NID1: variants seen among roughly 807,000 people sequenced by gnomAD.
NID1 encodes the protein nidogen-1.
NID1 carries 76 observed loss-of-function variants against 130.6 expected under a neutral mutation model. The observed-to-expected ratio is 0.58, with a 90% CI of 0.48 to 0.70. NID1 has a LOEUF of 0.70. Among genes scored for constraint, NID1 ranks in the 30% least tolerant of loss-of-function variants. The pLI is 0.00. For synonymous variants in NID1, 665 were observed against 675.1 expected, an observed-to-expected ratio of 0.98 and a Z score of 0.23; for missense variants, 1,517 against 1,664.8, an observed-to-expected ratio of 0.91 and a Z score of 1.54.
chr1:235,979,054 T>C lies in NID1; in HGVS notation c.3563A>G (p.Gln1188Arg). 2 of 1,614,088 alleles carry C rather than the reference T, an allele frequency of 1.2e-6. No homozygotes were observed. The highest frequency in any genetic ancestry group is 1.1e-5 in the South Asian group (1 of 91,070). The change falls in exon 19 of 20, where the codon CAA becomes CGA. Residue 1188 changes from glutamine to arginine, a missense_variant. Transcript: ENST00000264187. This position sits in a 1 kb window ranked among gnomAD's most constrained non-coding sequence, Gnocchi z 4.6. ...LAISKETDAF[Q>R]PHKQTRLYGI... The stretch of plus-strand genomic sequence containing the variant: ...ATACAGCCGGGTCTGCTTGTGGGGT[T>C]GGAAAGCATCCGTCTCCTTGGAAAT...
At chr1:236,050,923 C>CA (rs111318588) in intron 1 of NID1, among the ~76,000 whole-genome samples, 43 of 149,104 alleles carry the variant, frequency 2.9e-4, no homozygotes, top group East Asian at 9.8e-4. Context: ...ACTAAAAATA[C>CA]AAAAAAAAAA....
At chr1:236,025,767 TCCTGCCAGA>T in intron 8 of NID1, 120 bp downstream of exon 8, 1 of 1,293,462 alleles carries the variant, frequency 7.7e-7, no homozygotes, top group Admixed American at 2.3e-5. Flanking sequence ...ATTCTTTTTT[TCCTGCCAGA>T]AGATACTTTA....
At position 236,058,510 on chromosome 1, in the gene NID1, G is replaced by C. The variant is rs144599102; in HGVS notation, c.225+6345C>G. ...TTGTTTCAACCCAACTGACAAGAAG[G>C]GGATGGACAGAGCACCTAACTTATA... is the stretch of plus-strand genomic sequence containing the variant. On this transcript the variant is annotated intron_variant, in intron 1 of 19. Transcript: ENST00000264187. Among the ~76,000 whole-genome samples the C allele has an allele frequency of 4.6e-3, 708 of 152,308 alleles. 6 individuals carry two copies. The highest frequency in any genetic ancestry group is 0.016 in the African/African-American group (658 of 41,556).
chr1:235,978,385 G>A lies in NID1; in HGVS notation c.3623-397C>T, dbSNP rs183705414. Among the ~76,000 whole-genome samples, 37 of 152,338 alleles carry A rather than the reference G, an allele frequency of 2.4e-4. 1 individual carries two copies. In the South Asian group the frequency reaches 3.1e-3, roughly 13 times the overall value. On this transcript the variant is annotated intron_variant, in intron 19 of 19. Coordinates refer to ENST00000264187, the MANE Select transcript of NID1 (RefSeq NM_002508.3). ...TGAGGGAAGCTGAGAAGGAAAGTGGGTGAGGGGAGAGGCCTTCAAGAGGCA... is the reference window on the plus strand; with the variant it reads ...TGAGGGAAGCTGAGAAGGAAAGTGGATGAGGGGAGAGGCCTTCAAGAGGCA...
intron 1 of NID1, among the ~76,000 whole-genome samples, chr1:236,055,679 A>AC (rs1471579445): frequency 6.6e-6 from 1 of 151,952 alleles, no homozygotes; most frequent in Non-Finnish European, 1.5e-5. Flanking sequence ...GAAAAAAAAA[A>AC]CATACAACAA....
rs1362510598 is a variant in NID1 at position 236,026,031 on chromosome 1, C to A, written c.1849G>T (p.Glu617Ter). ...GGCCGGGAGTCATCGTGGACGCATT[C>A]CTGGAAGGTGATGGTCTGGCGCCAC... ...YQWRQTITFQ[E>*]CVHDDSRPAL... Residue 617 changes from glutamate (E) to a stop codon, truncating the protein, a stop_gained, in exon 8 of 20, where the codon GAA becomes TAA. Transcript: ENST00000264187. LOFTEE classifies it high-confidence loss of function. The A allele has an allele frequency of 6.2e-7, 1 of 1,613,164 alleles. No individual in the cohort carries two copies. Among genetic ancestry groups the A allele is most frequent in the Non-Finnish European group, 8.5e-7 (1 of 1,179,894 alleles).
chr1:236,049,818 T>C (rs1179927151), intron 1 of NID1, among the ~76,000 whole-genome samples: 1 of 151,506 alleles, frequency 6.6e-6, no homozygotes, highest in Non-Finnish European at 1.5e-5. Context: ...GGTGGGCAGA[T>C]CGCGAGGTCA....
At chr1:235,998,394 G>C (rs1657987123) in intron 12 of NID1, among the ~76,000 whole-genome samples, 1 of 152,150 alleles carries the variant, frequency 6.6e-6, no homozygotes, top group Non-Finnish European at 1.5e-5. Context: ...AAAATGTCTG[G>C]CTGGGCACGT....
intron 9 of NID1, among the ~76,000 whole-genome samples, chr1:236,022,461 C>T (rs1157188411): frequency 6.6e-6 from 1 of 150,644 alleles, no homozygotes; most frequent in Admixed American, 6.6e-5. Flanking sequence ...GTCTCTCCTA[C>T]TCCCAAGTAG....
At chr1:235,978,365 G>C (rs1193980487) in intron 19 of NID1, among the ~76,000 whole-genome samples, 1 of 152,204 alleles carries the variant, frequency 6.6e-6, no homozygotes, top group Non-Finnish European at 1.5e-5. Flanking sequence ...GAAGATGAGG[G>C]AAGCTGAGAA....
At chr1:236,038,354 C>T (rs1659325366) in intron 4 of NID1, 101 bp from the exon 5 acceptor site, 1 of 1,254,936 alleles carries the variant, frequency 8.0e-7, no homozygotes, top group Non-Finnish European at 1.1e-6. Context: ...GGGACTCACA[C>T]CTGCATGGGC....
intron 7 of NID1, among the ~76,000 whole-genome samples, chr1:236,028,690 A>ATG (rs910634020): frequency 4.9e-5 from 7 of 141,436 alleles, no homozygotes; most frequent in African/African-American, 2.0e-4. Flanking sequence ...CAGTATACAT[A>ATG]TATATATATA....
chr1:235,976,840 T>C lies in NID1; in HGVS notation c.*1027A>G, dbSNP rs951493482. 1.3e-5 allele frequency: 2 copies of C among 152,072 alleles called. No homozygotes were observed. The highest frequency in any genetic ancestry group is 1.3e-4 in the Admixed American group (2 of 15,260). The allele number at this position is 152,072 out of a possible 1,614,324, so 9.4% of individuals were successfully genotyped here. On this transcript the variant is annotated 3_prime_UTR_variant, in exon 20 of 20. Coordinates refer to ENST00000264187, the MANE Select transcript of NID1 (RefSeq NM_002508.3). ...GAGAAACCAAGGAGGGGTGAGGTCATGGTTGAGTGTAAATTGGTTCTGTCA... is the reference window on the plus strand; with the variant it reads ...GAGAAACCAAGGAGGGGTGAGGTCACGGTTGAGTGTAAATTGGTTCTGTCA...
intron 1 of NID1, among the ~76,000 whole-genome samples, chr1:236,064,233 C>G (rs2102856621): frequency 6.6e-6 from 1 of 152,278 alleles, no homozygotes; most frequent in South Asian, 2.1e-4. Flanking sequence ...TTTGGGGCCT[C>G]CGTGGTGACA....
chr1:236,030,311 C>A (rs1659058587), intron 6 of NID1, among the ~76,000 whole-genome samples: 1 of 152,104 alleles, frequency 6.6e-6, no homozygotes, highest in African/African-American at 2.4e-5. Context: ...AGGCGGCAGC[C>A]CCAGACAGGC....
At position 235,975,874 on chromosome 1, in the gene NID1, C is replaced by T. The variant is rs1657235276; in HGVS notation, c.*1993G>A. The T allele has an allele frequency of 6.6e-6, 1 of 152,554 alleles. No individual in the cohort carries two copies. Among genetic ancestry groups the T allele is most frequent in the African/African-American group, 2.4e-5 (1 of 41,416 alleles). 9.5% of individuals were successfully genotyped at this position (152,554 alleles called of 1,614,324 possible). On this transcript the variant is annotated 3_prime_UTR_variant, in exon 20 of 20. Transcript: ENST00000264187. ...TTTATTTTCCACACTATTTGTACAGCTGTAAACTCAAGGAATCATCCAATA... is the reference window on the plus strand; with the variant it reads ...TTTATTTTCCACACTATTTGTACAGTTGTAAACTCAAGGAATCATCCAATA...
intron 1 of NID1, among the ~76,000 whole-genome samples, chr1:236,057,450 C>T (rs2102851827): frequency 1.3e-5 from 2 of 152,028 alleles, no homozygotes; most frequent in Middle Eastern, 3.4e-3. Flanking sequence ...ACCTCCTCAG[C>T]TGGGCGTGGT....
chr1:235,993,511 G>A (rs946000715), intron 13 of NID1, 134 bp downstream of exon 13: 2 of 778,856 alleles, frequency 2.6e-6, no homozygotes, highest in South Asian at 3.8e-5. Flanking sequence ...GGTGCAGCAG[G>A]AGCGGGTGGG....
intron 1 of NID1, among the ~76,000 whole-genome samples, chr1:236,052,745 C>T (rs1659794111): frequency 6.6e-6 from 1 of 152,160 alleles, no homozygotes; most frequent in Non-Finnish European, 1.5e-5. Context: ...ACTGGCATGT[C>T]TAAACTGTCC....
Sources: allele counts gnomAD v4.1 joint callset (sites outside exome capture counted in the v4.1 genomes callset), GRCh38; gene constraint gnomAD v4.1.1; non-coding constraint Gnocchi (gnomAD v3.1); transcripts MANE v1.5; gene names NCBI Gene and HGNC (gene_info 2026-07-23, HGNC 2026-07-21).